Variants in TCP1 observed in about 807,000 individuals in gnomAD.
TCP1 encodes the protein t-complex 1.
A neutral mutation model predicts 54.7 loss-of-function variants in TCP1; 6 were observed. That is an observed-to-expected ratio of 0.11 (90% confidence interval 0.06 to 0.22). The LOEUF is 0.22. Ranked by LOEUF, TCP1 falls within the 10% of genes least tolerant of loss-of-function variation. The probability of loss-of-function intolerance (pLI) is 1.00; values close to 1 mark genes in which losing one functional copy is unlikely to be tolerated. For missense variants in TCP1, 511 were observed against 678.2 expected (o/e 0.75, Z 2.74); for synonymous variants, 225 against 229.7 (o/e 0.98, Z 0.19).
chr6:159,788,292 C>G (rs1380074196), intron 1 of TCP1, 149 bp from the exon 2 acceptor site: 3 of 698,012 alleles, frequency 4.3e-6, no homozygotes, highest in Non-Finnish European at 7.1e-6. Context: ...AAACCACCTA[C>G]TAAGAGTGTA....
At chr6:159,782,884 A>G (rs1780609708) in intron 7 of TCP1, among the ~76,000 whole-genome samples, 1 of 152,240 alleles carries the variant, frequency 6.6e-6, no homozygotes. Context: ...AGAAGGACAT[A>G]ATCAAAGGGT....
Position 159,786,004 on chromosome 6 carries a change from A to G in TCP1, c.280-7T>C, listed in dbSNP as rs1171324291. The G allele has an allele frequency of 6.2e-7, 1 of 1,610,922 alleles. No homozygotes were observed. The highest frequency in any genetic ancestry group is 8.5e-7 in the Non-Finnish European group (1 of 1,177,498). On this transcript the variant is annotated splice_region_variant and splice_polypyrimidine_tract_variant and intron_variant, in intron 3 of 11. Transcript: ENST00000321394. ...GTTCTGCTGCAATAATAACCTGTTG[A>G]GAAAACATTCACTGGTCTGAGTGTG... is the stretch of plus-strand genomic sequence containing the variant.
intron 7 of TCP1, among the ~76,000 whole-genome samples, chr6:159,781,828 C>T (rs4235925): frequency 0.79 from 119,898 of 152,170 alleles, 47,480 homozygotes; most frequent in South Asian, 0.85. Context: ...CAAAAGAAGG[C>T]AGAACCAGAA....
chr6:159,780,636 G>A, intron 8 of TCP1, 70 bp from the exon 9 acceptor site: 4 of 1,555,170 alleles, frequency 2.6e-6, no homozygotes, highest in South Asian at 2.5e-5. Flanking sequence ...GGACTCAGTA[G>A]CATTTGTGGT....
At chr6:159,779,839 T>C (rs780967007) in intron 10 of TCP1, 49 bp from the exon 11 acceptor site, 10 of 1,573,356 alleles carry the variant, frequency 6.4e-6, no homozygotes, top group Non-Finnish European at 7.7e-6. Flanking sequence ...AAAAAAAAAA[T>C]TGAAGTCCAC....
intron 3 of TCP1, among the ~76,000 whole-genome samples, chr6:159,787,101 T>A (rs1171682935): frequency 2.2e-5 from 2 of 92,392 alleles, no homozygotes; most frequent in Non-Finnish European, 4.5e-5. Flanking sequence ...AAGAGGTTTT[T>A]AATTAGTTGC....
chr6:159,784,019 C>G lies in TCP1; in HGVS notation c.719G>C (p.Ser240Thr). 6.2e-7 allele frequency: 1 copy of G among 1,613,636 alleles called. No homozygotes were observed. The highest frequency in any genetic ancestry group is 8.5e-7 in the Non-Finnish European group (1 of 1,179,974). Residue 240 changes from serine (S) to threonine (T), a missense_variant, in exon 7 of 12, where the codon AGC becomes ACC. Around this residue, in one of 5 missense-constraint regions of TCP1, gnomAD observed 305 missense variants for 352.8 expected, o/e 0.86. Coordinates refer to ENST00000321394, the MANE Select transcript of TCP1 (RefSeq NM_030752.3). ...VNAKIACLDF[S>T]LQKTKMKLGV... ...AAGCTTCATTTTTGTTTTTTGCAGGCTGAAGTCAAGGCAAGCAATTTTTGC... is the reference window on the plus strand; with the variant it reads ...AAGCTTCATTTTTGTTTTTTGCAGGGTGAAGTCAAGGCAAGCAATTTTTGC...
rs1340601302 is a variant in TCP1 at position 159,789,337 on chromosome 6, G to T, written c.64+68C>A. 3 of 1,586,910 alleles carry T rather than the reference G, an allele frequency of 1.9e-6. No individual in the cohort carries two copies. The South Asian group carries it at 3.3e-5, about 18-fold the overall frequency. The stretch of plus-strand genomic sequence containing the variant: ...TAAAGGAGAGAAACGAGGGCAGCCG[G>T]GGTCCGGTCGCGGTGGGACTCGGCC... On this transcript the variant is annotated intron_variant, in intron 1 of 11. Transcript: ENST00000321394.
At chr6:159,783,298 C>T (rs563982541) in intron 7 of TCP1, among the ~76,000 whole-genome samples, 12 of 151,708 alleles carry the variant, frequency 7.9e-5, no homozygotes, top group South Asian at 2.1e-4. Context: ...AAAGAACACC[C>T]GTGCAGACTG....
Position 159,780,078 on chromosome 6 carries a change from A to C in TCP1, c.1107T>G (p.Ala369=). The change falls in exon 10 of 12, where the codon GCT becomes GCG. Residue 369 remains alanine (A), a synonymous_variant. Coordinates refer to ENST00000321394, the MANE Select transcript of TCP1 (RefSeq NM_030752.3). ...DELILIKNTK[A]RTSASIILRG... is the part of the protein sequence containing the mutation. The stretch of plus-strand genomic sequence containing the variant: ...GTAAGATAATCGATGCAGACGTACG[A>C]GCCTTAGTACTGTTCAAAACAAAAG... 6.2e-7 allele frequency: 1 copy of C among 1,614,142 alleles called. No individual in the cohort carries two copies. The highest frequency in any genetic ancestry group is 8.5e-7 in the Non-Finnish European group (1 of 1,180,028).
At position 159,787,888 on chromosome 6, in the gene TCP1, A is replaced by T; in HGVS notation, c.151-17T>A. 6.2e-7 allele frequency: 1 copy of T among 1,613,120 alleles called. No homozygotes were observed. Among genetic ancestry groups the T allele is most frequent in the Non-Finnish European group, 8.5e-7 (1 of 1,179,158 alleles). On this transcript the variant is annotated splice_polypyrimidine_tract_variant and intron_variant, in intron 2 of 11. Coordinates refer to ENST00000321394, the MANE Select transcript of TCP1 (RefSeq NM_030752.3). ...GGTTACATCCTAAGAAATTCGCAGG[A>T]AAAAATATGAACCACTTATAGAAAT...
intron 1 of TCP1, chr6:159,789,149 G>A (rs954989227): frequency 4.3e-6 from 2 of 470,546 alleles, no homozygotes; most frequent in Admixed American, 3.6e-5. Context: ...CGTTTCCAAC[G>A]CCGCCCCGGA....
chr6:159,784,623 A>G, intron 6 of TCP1, 43 bp downstream of exon 6: 1 of 1,586,442 alleles, frequency 6.3e-7, no homozygotes, highest in Non-Finnish European at 8.6e-7. Context: ...GCTAGTTTTA[A>G]TCTGTAGCAA....
chr6:159,778,687 T>G lies in TCP1; in HGVS notation c.*358A>C, dbSNP rs200491242. On this transcript the variant is annotated 3_prime_UTR_variant, in exon 12 of 12. Transcript: ENST00000321394. ...AATATTGAAGGAGGGGCTATAGCCTTGGGCCACCCTCTTGGAGCATCTGGC... is the reference window on the plus strand; with the variant it reads ...AATATTGAAGGAGGGGCTATAGCCTGGGGCCACCCTCTTGGAGCATCTGGC... 68 of 1,614,114 alleles carry G rather than the reference T, an allele frequency of 4.2e-5. No individual in the cohort carries two copies. The highest frequency in any genetic ancestry group is 5.7e-5 in the Non-Finnish European group (67 of 1,180,032).
Position 159,784,646 on chromosome 6 carries a change from AAC to A in TCP1, c.670+18_670+19del, listed in dbSNP as rs761953460. ...TAATCTGTAGCAATCTCATTCTATAAACCAAATCCCAAACCTTACCCTGGGAT... is the reference window on the plus strand; with the variant it reads ...TAATCTGTAGCAATCTCATTCTATAACAAATCCCAAACCTTACCCTGGGAT... On this transcript the variant is annotated intron_variant, in intron 6 of 11. Transcript: ENST00000321394. The A allele has an allele frequency of 1.2e-6, 2 of 1,607,064 alleles. No homozygotes were observed. Among genetic ancestry groups the A allele is most frequent in the Admixed American group, 3.4e-5 (2 of 58,162 alleles).
At chr6:159,786,152 A>T (rs1432207336) in intron 3 of TCP1, 155 bp from the exon 4 acceptor site, 3 of 583,862 alleles carry the variant, frequency 5.1e-6, no homozygotes, top group Non-Finnish European at 9.0e-6. Context: ...AAGGGAGAAG[A>T]ACGCTACAAA....
chr6:159,779,561 G>T, intron 11 of TCP1, 66 bp downstream of exon 11: 1 of 1,517,878 alleles, frequency 6.6e-7, no homozygotes, highest in Non-Finnish European at 8.8e-7. Context: ...ACATGTAATT[G>T]ACTACTATCC....
chr6:159,780,980 T>G lies in TCP1; in HGVS notation c.928A>C (p.Arg310=). ...CGTTTAAGGTCCCTTTTTAAAACTC[T>G]TCTAACTGCCATAGCACCAGCCTCC... is the stretch of plus-strand genomic sequence containing the variant. The part of the protein sequence containing the change: ...FVEAGAMAVR[R]VLKRDLKRIA... Residue 310 remains arginine (R), a synonymous_variant, in exon 8 of 12, where the codon AGA becomes CGA. Coordinates refer to ENST00000321394, the MANE Select transcript of TCP1 (RefSeq NM_030752.3). The G allele has an allele frequency of 6.2e-7, 1 of 1,612,508 alleles. No homozygotes were observed. The highest frequency in any genetic ancestry group is 8.5e-7 in the Non-Finnish European group (1 of 1,179,560).
At chr6:159,782,097 A>G (rs1780591457) in intron 7 of TCP1, among the ~76,000 whole-genome samples, 2 of 152,180 alleles carry the variant, frequency 1.3e-5, no homozygotes, top group South Asian at 4.1e-4. Context: ...AGGATGGGAA[A>G]TGAGAGTTTA....
Sources: allele counts gnomAD v4.1 joint callset (sites outside exome capture counted in the v4.1 genomes callset), GRCh38; gene constraint gnomAD v4.1.1; regional missense constraint gnomAD v4.1.1; transcripts MANE v1.5; gene names NCBI Gene and HGNC (gene_info 2026-07-23, HGNC 2026-07-21).